MAD1L1: variants seen among roughly 807,000 people sequenced by gnomAD.
MAD1L1 encodes mitotic arrest deficient 1 like 1, also known as mitotic spindle assembly checkpoint protein MAD1.
MAD1L1 carries 95 observed loss-of-function variants against 96.9 expected under a neutral mutation model. The ratio of observed to expected loss-of-function variants is 0.98; its 90% CI spans 0.83 to 1.16. The LOEUF (loss-of-function observed/expected upper bound fraction) is 1.16. Ranked by LOEUF, MAD1L1 falls within the 50% of genes most tolerant of loss-of-function variation. The probability of loss-of-function intolerance (pLI) is 0.00; values close to 1 mark genes in which losing one functional copy is unlikely to be tolerated. For synonymous variants in MAD1L1, 473 were observed against 396.6 expected (o/e 1.19, Z -2.29); for missense variants, 1,007 against 954.4 (o/e 1.06, Z -0.73).
chr7:2,048,662 C>T (rs990947366), intron 12 of MAD1L1, among the ~76,000 whole-genome samples: 2 of 152,222 alleles, frequency 1.3e-5, no homozygotes, highest in Non-Finnish European at 2.9e-5. Context: ...AAAAAGTCCC[C>T]CTCCGCCCCT....
At chr7:1,870,474 T>C (rs71523270) in intron 18 of MAD1L1, among the ~76,000 whole-genome samples, 26,197 of 84,344 alleles carry the variant, frequency 0.31, 4,828 homozygotes, top group East Asian at 0.42. Context: ...ACCCAACATA[T>C]GCCTGCCACG....
At chr7:2,010,757 C>A (rs1035671667) in intron 13 of MAD1L1, among the ~76,000 whole-genome samples, 1 of 152,176 alleles carries the variant, frequency 6.6e-6, no homozygotes, top group South Asian at 2.1e-4. Context: ...CTCCCGCTGG[C>A]GACTACCCCG....
chr7:1,927,911 T>C (rs1420457165), intron 17 of MAD1L1, among the ~76,000 whole-genome samples: 2 of 152,110 alleles, frequency 1.3e-5, no homozygotes, highest in African/African-American at 2.4e-5. Flanking sequence ...ATTTATCAGC[T>C]ATATACTCAA....
chr7:1,938,513 A>G (rs999613208), intron 16 of MAD1L1, among the ~76,000 whole-genome samples: 2 of 152,194 alleles, frequency 1.3e-5, no homozygotes, highest in Non-Finnish European at 2.9e-5. Flanking sequence ...TTTGAAAATC[A>G]CATTTCTGAG....
At chr7:1,980,575 C>T in intron 14 of MAD1L1, 34 bp from the exon 15 acceptor site, 1 of 1,550,340 alleles carries the variant, frequency 6.5e-7, no homozygotes, top group East Asian at 2.3e-5. Context: ...GGTCAGCAGA[C>T]ACGAGCGCAC....
At chr7:2,230,305 T>C (rs964488784) in intron 2 of MAD1L1, 162 bp from the exon 3 acceptor site, 10 of 543,558 alleles carry the variant, frequency 1.8e-5, no homozygotes, top group East Asian at 3.0e-5. Context: ...CTGGGAGCCA[T>C]GCTGCCAATT....
chr7:1,864,517 C>A (rs966646313), intron 18 of MAD1L1, among the ~76,000 whole-genome samples: 2 of 152,228 alleles, frequency 1.3e-5, no homozygotes, highest in Non-Finnish European at 2.9e-5. Flanking sequence ...TTTGCAAAGT[C>A]CCCATGACAC....
At chr7:1,839,073 G>A (rs867560098) in intron 18 of MAD1L1, among the ~76,000 whole-genome samples, 28 of 152,212 alleles carry the variant, frequency 1.8e-4, no homozygotes, top group Middle Eastern at 3.2e-3. Context: ...CAGATGGCCA[G>A]CTGCCTCCGT....
chr7:2,097,506 G>C (rs376412695), intron 11 of MAD1L1, among the ~76,000 whole-genome samples: 37 of 152,316 alleles, frequency 2.4e-4, no homozygotes, highest in African/African-American at 8.7e-4. Context: ...ATGGGGCCGA[G>C]GAACAATGGG....
In MAD1L1 at chr7:1,850,751, C is replaced by T. The variant is rs1396238360; in HGVS notation, c.1999-34523G>A. Among the ~76,000 whole-genome samples, 5 of 152,322 alleles carry T rather than the reference C, an allele frequency of 3.3e-5. No individual in the cohort carries two copies. The South Asian group carries it at 1.0e-3, about 32-fold the overall frequency. ...TATCCACCCCTGCATACTGGCCCTG[C>T]CCAGCCACTGGTGACAGCAGTGATT... On this transcript the variant is annotated intron_variant, in intron 18 of 18. Coordinates refer to ENST00000265854, the MANE Select transcript of MAD1L1 (RefSeq NM_001013836.2).
chr7:1,829,665 G>A (rs1431741234), intron 18 of MAD1L1: 2 of 150,012 alleles, frequency 1.3e-5, no homozygotes, highest in Admixed American at 6.6e-5. Context: ...TTTCTGAAAT[G>A]TGTGGAAAAG....
chr7:1,856,668 G>A (rs1409219318), intron 18 of MAD1L1, among the ~76,000 whole-genome samples: 1 of 152,182 alleles, frequency 6.6e-6, no homozygotes, highest in Non-Finnish European at 1.5e-5. Flanking sequence ...ACCCAGAAGG[G>A]AAGATGGCAC....
chr7:2,045,054 C>T (rs1044946263), intron 12 of MAD1L1, among the ~76,000 whole-genome samples: 8 of 152,236 alleles, frequency 5.3e-5, no homozygotes, highest in Non-Finnish European at 7.3e-5. Context: ...GGCGCCCTGA[C>T]GGCAAGCCCC....
intron 11 of MAD1L1, among the ~76,000 whole-genome samples, chr7:2,102,424 CACTGTCACCCTCACCACCACTGCT>C (rs371952961): frequency 4.0e-5 from 6 of 150,680 alleles, no homozygotes; most frequent in African/African-American, 1.5e-4. Context: ...TCACCATCAC[CACTGTCACCCTCACCACCACTGCT>C]ACTGTCACCA....
At position 1,910,134 on chromosome 7, in the gene MAD1L1, C is replaced by G. The variant is rs540688974; in HGVS notation, c.1808-11744G>C. ...CGGATATCATATTTGGAGAAGAATC[C>G]TCCCCCAGCACCGAGAACACAGCAG... is the stretch of plus-strand genomic sequence containing the variant. On this transcript the variant is annotated intron_variant, in intron 17 of 18. Transcript: ENST00000265854. Among the ~76,000 whole-genome samples the G allele has an allele frequency of 4.6e-5, 7 of 152,200 alleles. No individual in the cohort carries two copies. In the East Asian group the frequency reaches 1.4e-3, roughly 29 times the overall value.
intron 11 of MAD1L1, among the ~76,000 whole-genome samples, chr7:2,072,225 G>A (rs921850900): frequency 3.9e-5 from 6 of 152,226 alleles, no homozygotes; most frequent in Admixed American, 2.6e-4. Context: ...TGAGCTGAAC[G>A]GCTGGTGTCC....
At chr7:2,164,789 C>CTAAAA (rs1790344903) in intron 10 of MAD1L1, among the ~76,000 whole-genome samples, 1 of 152,194 alleles carries the variant, frequency 6.6e-6, no homozygotes, top group African/African-American at 2.4e-5. Flanking sequence ...AAGGACACTA[C>CTAAAA]ATGGACAAAC....
chr7:1,903,378 C>T (rs1394625904), intron 17 of MAD1L1, among the ~76,000 whole-genome samples: 29 of 148,544 alleles, frequency 2.0e-4, no homozygotes, highest in African/African-American at 6.3e-4. Flanking sequence ...TTCCAGGCAG[C>T]GAGGACACAG....
At chr7:2,102,313 C>CTAT (rs1434241260) in intron 11 of MAD1L1, among the ~76,000 whole-genome samples, 1 of 150,640 alleles carries the variant, frequency 6.6e-6, no homozygotes, top group Non-Finnish European at 1.5e-5. Flanking sequence ...ACCACCGTCA[C>CTAT]CATCACCGCC....
Sources: allele counts gnomAD v4.1 joint callset (sites outside exome capture counted in the v4.1 genomes callset), GRCh38; gene constraint gnomAD v4.1.1; transcripts MANE v1.5; gene names NCBI Gene and HGNC (gene_info 2026-07-23, HGNC 2026-07-21).